Variants in RIPOR2 observed in about 807,000 individuals in gnomAD.
RIPOR2 encodes the protein rho family-interacting cell polarization regulator 2.
RIPOR2 carries 39 observed loss-of-function variants against 114.5 expected under a neutral mutation model. The observed-to-expected ratio is 0.34, with a 90% CI of 0.26 to 0.44. The LOEUF (loss-of-function observed/expected upper bound fraction) is 0.44, where lower values mean the gene tolerates loss of function less well. Among genes scored for constraint, RIPOR2 ranks in the 20% least tolerant of loss-of-function variants. The pLI is 1.00. For missense variants in RIPOR2, 1,007 were observed against 1,255.1 expected, an observed-to-expected ratio of 0.80 and a Z score of 2.99; for synonymous variants, 445 against 484.4, an observed-to-expected ratio of 0.92 and a Z score of 1.07.
intron 1 of RIPOR2, among the ~76,000 whole-genome samples, chr6:24,980,343 G>A (rs1774235277): frequency 1.3e-5 from 2 of 152,178 alleles, no homozygotes; most frequent in South Asian, 4.1e-4. Context: ...AGCTTCCTTG[G>A]ACATCTATAT....
At chr6:24,830,440 C>T (rs1760575856) in intron 17 of RIPOR2, 69 bp downstream of exon 17, 2 of 1,380,468 alleles carry the variant, frequency 1.4e-6, no homozygotes, top group Non-Finnish European at 2.0e-6. Flanking sequence ...CCCCTCTCCC[C>T]CGACCCCCAC....
chr6:25,013,708 G>A (rs181651983), intron 1 of RIPOR2, among the ~76,000 whole-genome samples: 75 of 152,238 alleles, frequency 4.9e-4, no homozygotes, highest in Middle Eastern at 3.4e-3. Context: ...GGCCTATAGG[G>A]GTTCTCTGCA....
intron 1 of RIPOR2, among the ~76,000 whole-genome samples, chr6:25,033,479 A>G (rs1419216606): frequency 2.6e-5 from 4 of 152,166 alleles, no homozygotes; most frequent in Non-Finnish European, 5.9e-5. Flanking sequence ...CATTTTTCCA[A>G]GAAGCCCTCA....
chr6:25,034,185 T>G (rs768761687), intron 1 of RIPOR2, among the ~76,000 whole-genome samples: 44 of 152,080 alleles, frequency 2.9e-4, no homozygotes, highest in Non-Finnish European at 5.4e-4. Context: ...ACTTTCTCTC[T>G]GTTGTATGTT....
intron 1 of RIPOR2, among the ~76,000 whole-genome samples, chr6:24,934,827 A>G (rs1056060188): frequency 3.3e-5 from 5 of 152,210 alleles, no homozygotes; most frequent in African/African-American, 9.6e-5. Context: ...TAAAATCGCA[A>G]CCTTTACAGT....
At chr6:25,039,502 C>T (rs1239341896) in intron 1 of RIPOR2, among the ~76,000 whole-genome samples, 2 of 152,206 alleles carry the variant, frequency 1.3e-5, no homozygotes, top group East Asian at 1.9e-4. Flanking sequence ...GTTGAGCTTA[C>T]ATTCAACATC....
intron 1 of RIPOR2, among the ~76,000 whole-genome samples, chr6:24,965,402 T>C (rs1561812598): frequency 6.6e-6 from 1 of 152,186 alleles, no homozygotes. Flanking sequence ...CCTCCCAAAG[T>C]GCTGGGATTA....
intron 1 of RIPOR2, among the ~76,000 whole-genome samples, chr6:24,888,526 C>T (rs1387386712): frequency 6.6e-6 from 1 of 152,082 alleles, no homozygotes; most frequent in Non-Finnish European, 1.5e-5. Context: ...CAGAAAAAGC[C>T]ACTAGGTTCT....
Position 24,930,474 on chromosome 6 carries a change from A to G in RIPOR2, c.61+5364T>C, listed in dbSNP as rs139666716. Among the ~76,000 whole-genome samples the G allele has an allele frequency of 3.9e-3, 597 of 152,302 alleles. 2 individuals are homozygous for G. The highest frequency in any genetic ancestry group is 6.7e-3 in the Non-Finnish European group (456 of 68,024). On this transcript the variant is annotated intron_variant, in intron 1 of 21. Transcript: ENST00000643898. The stretch of plus-strand genomic sequence containing the variant: ...TTACCCTGAGGTCACTGGGGGCCAT[A>G]AATCAGGGGGGTGGACTGGTGGCTA...
chr6:24,984,571 G>A (rs1386089321), intron 1 of RIPOR2, among the ~76,000 whole-genome samples: 1 of 151,818 alleles, frequency 6.6e-6, no homozygotes, highest in Non-Finnish European at 1.5e-5. Flanking sequence ...GGTGGTGCAC[G>A]CCAGTAGTCC....
chr6:24,951,700 G>A (rs1019750070), intron 1 of RIPOR2, among the ~76,000 whole-genome samples: 3 of 152,196 alleles, frequency 2.0e-5, no homozygotes, highest in Non-Finnish European at 2.9e-5. Context: ...GTCATGGTTG[G>A]TGGGGCGGAG....
intron 1 of RIPOR2, among the ~76,000 whole-genome samples, chr6:24,972,316 C>T (rs1773825279): frequency 6.6e-6 from 1 of 152,204 alleles, no homozygotes; most frequent in South Asian, 2.1e-4. Context: ...AACAACAAAA[C>T]AGGGCTAAAT....
chr6:24,825,489 C>T, intron 18 of RIPOR2, 61 bp from the exon 19 acceptor site: 2 of 1,223,290 alleles, frequency 1.6e-6, no homozygotes, highest in Non-Finnish European at 2.3e-6. Context: ...CAGCTCATTA[C>T]AAATATAAAT....
At chr6:24,976,419 A>C (rs1774048815) in intron 1 of RIPOR2, 1 of 1,544,816 alleles carries the variant, frequency 6.5e-7, no homozygotes, top group African/African-American at 1.4e-5. Flanking sequence ...GCTATTAGCC[A>C]TGGTCAACCC....
chr6:24,984,071 C>T (rs1393402787), intron 1 of RIPOR2, among the ~76,000 whole-genome samples: 2 of 152,152 alleles, frequency 1.3e-5, no homozygotes, highest in African/African-American at 2.4e-5. Flanking sequence ...ATGGAAGGAG[C>T]TATAGAACTT....
At chr6:25,039,788 G>C (rs1777390217) in intron 1 of RIPOR2, among the ~76,000 whole-genome samples, 1 of 152,148 alleles carries the variant, frequency 6.6e-6, no homozygotes, top group Admixed American at 6.5e-5. Context: ...ATAAAAACTG[G>C]AATTTAAATT....
intron 1 of RIPOR2, among the ~76,000 whole-genome samples, chr6:25,039,808 C>T (rs1360464664): frequency 2.6e-5 from 4 of 152,028 alleles, no homozygotes; most frequent in South Asian, 2.1e-4. Flanking sequence ...TTAAGGTACG[C>T]GCAAGTAAAA....
At chr6:24,920,783 A>T (rs1296480332) in intron 1 of RIPOR2, among the ~76,000 whole-genome samples, 1 of 152,154 alleles carries the variant, frequency 6.6e-6, no homozygotes, top group Non-Finnish European at 1.5e-5. Flanking sequence ...CCTCACCTTA[A>T]GTCTACTCCT....
At chr6:24,829,892 C>T (rs1036869671) in intron 17 of RIPOR2, among the ~76,000 whole-genome samples, 9 of 152,206 alleles carry the variant, frequency 5.9e-5, no homozygotes, top group African/African-American at 2.2e-4. Context: ...GTGATCATAC[C>T]ATTTGACACT....
Sources: allele counts gnomAD v4.1 joint callset (sites outside exome capture counted in the v4.1 genomes callset), GRCh38; gene constraint gnomAD v4.1.1; transcripts MANE v1.5; gene names NCBI Gene and HGNC (gene_info 2026-07-23, HGNC 2026-07-21).